THRB: variants seen among roughly 807,000 people sequenced by gnomAD.
THRB encodes the protein nuclear receptor subfamily 1 group A member 2.
A neutral mutation model predicts 47.8 loss-of-function variants in THRB; 12 were observed. That is an observed-to-expected ratio of 0.25 (90% CI 0.16 to 0.41). The LOEUF (loss-of-function observed/expected upper bound fraction) is 0.41. Among genes scored for constraint, THRB ranks in the 10% least tolerant of loss-of-function variants. The pLI is 1.00. For missense variants in THRB, 348 were observed against 589.2 expected (o/e 0.59, Z 4.24); for synonymous variants, 218 against 212.2 (o/e 1.03, Z -0.24).
At chr3:24,192,811 T>G (rs1413204111) in intron 4 of THRB, among the ~76,000 whole-genome samples, 1 of 152,162 alleles carries the variant, frequency 6.6e-6, no homozygotes. Flanking sequence ...AGGGCTTCAT[T>G]CATGGGAGGC....
At chr3:24,218,033 G>C (rs1172230031) in intron 4 of THRB, among the ~76,000 whole-genome samples, 1 of 152,128 alleles carries the variant, frequency 6.6e-6, no homozygotes, top group Non-Finnish European at 1.5e-5. Context: ...TTGGGAGGCT[G>C]AGGCAGGTGG....
intron 1 of THRB, among the ~76,000 whole-genome samples, chr3:24,366,137 T>C (rs1326348832): frequency 6.6e-6 from 1 of 152,214 alleles, no homozygotes; most frequent in African/African-American, 2.4e-5. Flanking sequence ...AAGCAAATTA[T>C]GTCTGACAAT....
chr3:24,178,736 C>T (rs556748895), intron 5 of THRB, among the ~76,000 whole-genome samples: 1 of 152,174 alleles, frequency 6.6e-6, no homozygotes, highest in South Asian at 2.1e-4. Flanking sequence ...TCGAAGCAGA[C>T]TAGAGTAGAA....
chr3:24,135,831 A>G (rs2034557958), intron 8 of THRB, among the ~76,000 whole-genome samples: 1 of 115,420 alleles, frequency 8.7e-6, no homozygotes, highest in African/African-American at 3.3e-5. Flanking sequence ...ATATATATAT[A>G]TATATATATA....
chr3:24,419,605 T>C (rs1041251179), intron 1 of THRB, among the ~76,000 whole-genome samples: 2 of 151,952 alleles, frequency 1.3e-5, no homozygotes, highest in African/African-American at 4.8e-5. Context: ...TTCTCTGGAC[T>C]CCGAGTTCAT....
At chr3:24,324,083 C>G (rs2058658065) in intron 2 of THRB, among the ~76,000 whole-genome samples, 1 of 152,150 alleles carries the variant, frequency 6.6e-6, no homozygotes, top group African/African-American at 2.4e-5. Flanking sequence ...GGCACTTGAC[C>G]TGCCTCAGTC....
intron 3 of THRB, among the ~76,000 whole-genome samples, chr3:24,255,460 T>C (rs1359029152): frequency 6.6e-6 from 1 of 152,232 alleles, no homozygotes; most frequent in Non-Finnish European, 1.5e-5. Flanking sequence ...AAGTTAATTA[T>C]GCAAGCCAAT....
At chr3:24,328,049 C>T (rs2061699227) in intron 2 of THRB, among the ~76,000 whole-genome samples, 1 of 152,100 alleles carries the variant, frequency 6.6e-6, no homozygotes, top group South Asian at 2.1e-4. Flanking sequence ...TGAAAAATGT[C>T]CAACCTTACA....
chr3:24,438,016 C>T (rs889889752), intron 1 of THRB, among the ~76,000 whole-genome samples: 1 of 151,736 alleles, frequency 6.6e-6, no homozygotes, highest in Non-Finnish European at 1.5e-5. Context: ...TTTATACTTT[C>T]CTAATATGCC....
chr3:24,205,714 TAA>T lies in THRB; in HGVS notation c.23-15382_23-15381del, dbSNP rs757271409. Among the ~76,000 whole-genome samples the T allele has an allele frequency of 6.6e-5, 10 of 152,158 alleles. No individual in the cohort carries two copies. In the South Asian group the frequency reaches 1.9e-3, roughly 28 times the overall value. On this transcript the variant is annotated intron_variant, in intron 4 of 10. Coordinates refer to ENST00000646209, the MANE Select transcript of THRB (RefSeq NM_001354712.2). ...AAAAGACACAGACTGGCAAATTGGATAAAGAGTCAAGACCCATCAGTGTGCTG... is the reference window on the plus strand; with the variant it reads ...AAAAGACACAGACTGGCAAATTGGATAGAGTCAAGACCCATCAGTGTGCTG...
chr3:24,235,600 T>C (rs2048778152), intron 3 of THRB, among the ~76,000 whole-genome samples: 1 of 152,150 alleles, frequency 6.6e-6, no homozygotes, highest in South Asian at 2.1e-4. Flanking sequence ...AGAAAAGCCA[T>C]GACTGACTGG....
Position 24,180,084 on chromosome 3 carries a change from C to T in THRB, c.283+9990G>A, listed in dbSNP as rs987449278. 7.2e-5 allele frequency among the ~76,000 whole-genome samples: 11 copies of T among 152,062 alleles called. 1 individual carries two copies. Among genetic ancestry groups the T allele is most frequent in the Admixed American group, 5.2e-4 (8 of 15,264 alleles). ...CAAAAATTAACATGTATTATTTTTC[C>T]CTTAAAGGGCAGTAGCTTCTTTTAC... On this transcript the variant is annotated intron_variant, in intron 5 of 10. Coordinates refer to ENST00000646209, the MANE Select transcript of THRB (RefSeq NM_001354712.2).
chr3:24,203,410 T>A (rs1239120174), intron 4 of THRB, among the ~76,000 whole-genome samples: 2 of 152,026 alleles, frequency 1.3e-5, no homozygotes, highest in Non-Finnish European at 1.5e-5. Context: ...CTCAAAATTT[T>A]AAAAAAGCAT....
At chr3:24,165,952 ATGAC>A (rs992828447) in intron 5 of THRB, among the ~76,000 whole-genome samples, 76 of 152,340 alleles carry the variant, frequency 5.0e-4, no homozygotes, top group African/African-American at 1.4e-3. Flanking sequence ...AATGAGCCTG[ATGAC>A]TGACTGACTC....
chr3:24,273,233 C>G lies in THRB; in HGVS notation c.-43+23993G>C, dbSNP rs923609380. 2.0e-5 allele frequency among the ~76,000 whole-genome samples: 3 copies of G among 152,184 alleles called. No homozygotes were observed. In the East Asian group the frequency reaches 5.8e-4, roughly 29 times the overall value. ...TGCAGGAGGCTGTTAACTTGCAAAT[C>G]TTTCATTTATTTAAGAAATACTGAG... is the stretch of plus-strand genomic sequence containing the variant. On this transcript the variant is annotated intron_variant, in intron 3 of 10. Transcript: ENST00000646209.
At chr3:24,284,878 A>T (rs1224306507) in intron 3 of THRB, among the ~76,000 whole-genome samples, 1 of 152,316 alleles carries the variant, frequency 6.6e-6, no homozygotes, top group Admixed American at 6.5e-5. Flanking sequence ...AAAACCACAA[A>T]GAGATACCAT....
intron 4 of THRB, among the ~76,000 whole-genome samples, chr3:24,207,626 C>T (rs1354192510): frequency 5.9e-5 from 9 of 152,088 alleles, no homozygotes; most frequent in African/African-American, 9.7e-5. Context: ...TTTTTCCTTC[C>T]TATACCTCAA....
At chr3:24,440,554 C>T (rs2071428290) in intron 1 of THRB, among the ~76,000 whole-genome samples, 2 of 152,058 alleles carry the variant, frequency 1.3e-5, no homozygotes, top group Admixed American at 1.3e-4. Flanking sequence ...TAGTCACATG[C>T]ATTTATTAGA....
At chr3:24,286,526 A>G (rs770914823) in intron 3 of THRB, among the ~76,000 whole-genome samples, 1 of 152,184 alleles carries the variant, frequency 6.6e-6, no homozygotes, top group African/African-American at 2.4e-5. Flanking sequence ...CTCAACTGTT[A>G]GGTTCTTCTC....
Sources: gnomAD v4.1 joint callset for allele counts (sites outside exome capture counted in the v4.1 genomes callset) on GRCh38, gnomAD v4.1.1 for gene constraint, MANE v1.5 for transcripts, NCBI Gene and HGNC (gene_info 2026-07-23, HGNC 2026-07-21) for gene names.